Variants in DIAPH3 observed in about 807,000 individuals in gnomAD.
The protein encoded by DIAPH3 is diaphanous related formin 3.
A neutral mutation model predicts 144.3 loss-of-function variants in DIAPH3; 117 were observed. The ratio of observed to expected loss-of-function variants is 0.81; its 90% CI spans 0.70 to 0.95. DIAPH3 has a LOEUF of 0.95. Ranked by LOEUF, DIAPH3 falls within the 40% of genes least tolerant of loss-of-function variation. The probability of loss-of-function intolerance (pLI) is 0.00; values close to 1 mark genes in which losing one functional copy is unlikely to be tolerated. For missense variants in DIAPH3, 1,421 were observed against 1,412.7 expected (o/e 1.01, Z -0.09); for synonymous variants, 519 against 488.9 (o/e 1.06, Z -0.81).
At chr13:59,851,473 G>A (rs1432195693) in intron 22 of DIAPH3, among the ~76,000 whole-genome samples, 2 of 152,154 alleles carry the variant, frequency 1.3e-5, no homozygotes, top group African/African-American at 2.4e-5. Flanking sequence ...GCCAGAGTCA[G>A]ACATAAGACA....
chr13:59,983,646 A>G (rs2051177173), intron 13 of DIAPH3, 123 bp downstream of exon 13: 1 of 673,204 alleles, frequency 1.5e-6, no homozygotes, highest in Admixed American at 2.4e-5. Flanking sequence ...TGCTATTATG[A>G]AAACAGTTTT....
At chr13:59,743,063 A>C (rs555884270) in intron 27 of DIAPH3, among the ~76,000 whole-genome samples, 8 of 152,322 alleles carry the variant, frequency 5.3e-5, no homozygotes, top group Admixed American at 1.3e-4. Flanking sequence ...GAGTGGGATG[A>C]AATAAGCCTA....
At chr13:59,775,657 A>G (rs537711091) in intron 25 of DIAPH3, among the ~76,000 whole-genome samples, 3 of 152,242 alleles carry the variant, frequency 2.0e-5, no homozygotes, top group Non-Finnish European at 4.4e-5. Flanking sequence ...CCAACAATTG[A>G]TTTTTCATAT....
chr13:60,027,140 G>A (rs886115781), intron 5 of DIAPH3, among the ~76,000 whole-genome samples: 6 of 152,130 alleles, frequency 3.9e-5, no homozygotes, highest in African/African-American at 9.7e-5. Context: ...CTTTACCAAG[G>A]TGACTAAATA....
chr13:59,837,438 C>A (rs2042094680), intron 23 of DIAPH3, among the ~76,000 whole-genome samples: 1 of 151,940 alleles, frequency 6.6e-6, no homozygotes. Context: ...ATTCTACAAC[C>A]TTTACTCCAA....
intron 1 of DIAPH3, among the ~76,000 whole-genome samples, chr13:60,153,718 A>C (rs1951901656): frequency 6.6e-6 from 1 of 152,162 alleles, no homozygotes; most frequent in South Asian, 2.1e-4. Context: ...TTTGGATTGT[A>C]GATGTAAATC....
Position 59,697,459 on chromosome 13 carries a change from C to CAAAAAAAAAA in DIAPH3, c.3320-30623_3320-30614dup, listed in dbSNP as rs58372882. Among the ~76,000 whole-genome samples the CAAAAAAAAAA allele has an allele frequency of 6.4e-3, 200 of 31,192 alleles. 8 individuals carry two copies. The highest frequency in any genetic ancestry group is 9.1e-3 in the South Asian group (5 of 552). The allele number at this position is 31,192 out of a possible 152,430, so 20.5% of individuals were successfully genotyped here. On this transcript the variant is annotated intron_variant, in intron 27 of 27. Transcript: ENST00000400324. ...TGGGCGACAGAGCGAGACACTGTCT[C>CAAAAAAAAAA]AAAAAAAAAAAAAAAAAAAAAAAAA...
chr13:59,833,378 C>G (rs1244671951), intron 23 of DIAPH3, 107 bp from the exon 24 acceptor site: 1 of 827,906 alleles, frequency 1.2e-6, no homozygotes, highest in Non-Finnish European at 1.8e-6. Flanking sequence ...TACTATATTT[C>G]CAAAATTCTA....
At chr13:60,090,001 T>C (rs1008627156) in intron 4 of DIAPH3, among the ~76,000 whole-genome samples, 4 of 151,662 alleles carry the variant, frequency 2.6e-5, no homozygotes, top group Non-Finnish European at 5.9e-5. Context: ...TAATGAAGAG[T>C]CTAGGGGCAG....
chr13:59,981,516 A>G (rs1226296804), intron 13 of DIAPH3, among the ~76,000 whole-genome samples: 1 of 151,220 alleles, frequency 6.6e-6, no homozygotes, highest in Non-Finnish European at 1.5e-5. Context: ...TTAGACAAAA[A>G]AAAAAAAAAC....
At chr13:60,004,492 T>C (rs1448236817) in intron 9 of DIAPH3, among the ~76,000 whole-genome samples, 1 of 152,242 alleles carries the variant, frequency 6.6e-6, no homozygotes, top group African/African-American at 2.4e-5. Context: ...TGAAGCCTGC[T>C]ACCTGCTAGC....
chr13:59,668,611 G>A (rs531153829), intron 27 of DIAPH3, among the ~76,000 whole-genome samples: 35 of 152,290 alleles, frequency 2.3e-4, no homozygotes, highest in Non-Finnish European at 3.4e-4. Context: ...CGTCCTTGGT[G>A]CAAAGTAGGT....
chr13:59,793,051 TC>T lies in DIAPH3; in HGVS notation c.3163+17736del, dbSNP rs150616366. On this transcript the variant is annotated intron_variant, in intron 25 of 27. Coordinates refer to ENST00000400324, the MANE Select transcript of DIAPH3 (RefSeq NM_001042517.2). Reference sequence around the variant, plus strand: ...AAGCCTCCCAACCAACCATGGCCCTTCCTCTGCAAAGGCCTTCCTTTTAGAT... The same window carrying T: ...AAGCCTCCCAACCAACCATGGCCCTTCTCTGCAAAGGCCTTCCTTTTAGAT... Among the ~76,000 whole-genome samples the T allele has an allele frequency of 7.2e-3, 1,100 of 152,286 alleles. 14 individuals carry two copies. The highest frequency in any genetic ancestry group is 0.024 in the African/African-American group (1,000 of 41,548).
intron 20 of DIAPH3, among the ~76,000 whole-genome samples, chr13:59,911,234 T>C (rs2046981932): frequency 6.6e-6 from 1 of 152,184 alleles, no homozygotes; most frequent in African/African-American, 2.4e-5. Flanking sequence ...CCCCAGCTTC[T>C]ATAAAATAAA....
intron 17 of DIAPH3, among the ~76,000 whole-genome samples, chr13:59,953,622 A>G (rs1315919518): frequency 6.6e-6 from 1 of 152,192 alleles, no homozygotes; most frequent in Non-Finnish European, 1.5e-5. Flanking sequence ...ATGAAATGCA[A>G]AGCCAAATTT....
rs141147339 is a variant in DIAPH3, at chr13:59,684,683, T to C, written c.3320-17837A>G. ...CTGATGGTTACAGCAGATAGATCAG[T>C]AACAGACACTAACTAAAGATAGATA... is the stretch of plus-strand genomic sequence containing the variant. On this transcript the variant is annotated intron_variant, in intron 27 of 27. Transcript: ENST00000400324. Among the ~76,000 whole-genome samples, 192 of 152,312 alleles carry C rather than the reference T, an allele frequency of 1.3e-3. 1 individual carries two copies. The highest frequency in any genetic ancestry group is 4.4e-3 in the African/African-American group (183 of 41,572).
chr13:60,024,699 G>A (rs143428118), intron 5 of DIAPH3, among the ~76,000 whole-genome samples: 74 of 152,144 alleles, frequency 4.9e-4, no homozygotes, highest in African/African-American at 1.5e-3. Flanking sequence ...TTGGGATATC[G>A]TGTTATAAGA....
At chr13:59,761,640 C>T (rs1347140596) in intron 27 of DIAPH3, among the ~76,000 whole-genome samples, 1 of 152,174 alleles carries the variant, frequency 6.6e-6, no homozygotes, top group African/African-American at 2.4e-5. Context: ...GAGCTAGTGA[C>T]ACTACCATTA....
At chr13:59,813,962 T>C (rs1229615027) in intron 24 of DIAPH3, among the ~76,000 whole-genome samples, 2 of 151,944 alleles carry the variant, frequency 1.3e-5, no homozygotes, top group Non-Finnish European at 2.9e-5. Flanking sequence ...TGTATACTCA[T>C]GTATGTATCT....
Sources: allele counts gnomAD v4.1 joint callset (sites outside exome capture counted in the v4.1 genomes callset), GRCh38; gene constraint gnomAD v4.1.1; transcripts MANE v1.5; gene names NCBI Gene and HGNC (gene_info 2026-07-23, HGNC 2026-07-21).